Variants in ERCC6 observed in about 807,000 individuals in gnomAD.
ERCC6 encodes DNA excision repair protein ERCC-6.
Under a neutral mutation model 158.7 loss-of-function variants are expected in ERCC6, and 116 were observed. The observed-to-expected ratio is 0.73, with a 90% confidence interval of 0.63 to 0.85. The LOEUF is 0.85. ERCC6 is among the 40% of genes least tolerant of loss of function. ERCC6 has a pLI of 0.00. For missense variants in ERCC6, 1,698 were observed against 1,799.4 expected (o/e 0.94, Z 1.02); for synonymous variants, 678 against 659.3 (o/e 1.03, Z -0.43).
intron 5 of ERCC6, among the ~76,000 whole-genome samples, chr10:49,506,634 T>C (rs568800181): frequency 5.2e-4 from 79 of 152,230 alleles, no homozygotes; most frequent in African/African-American, 1.7e-3. Flanking sequence ...AATTTAGTAA[T>C]ATGATACTTT....
chr10:49,516,857 A>C, intron 5 of ERCC6: 3 of 1,614,168 alleles, frequency 1.9e-6, no homozygotes, highest in Non-Finnish European at 2.5e-6. Flanking sequence ...CTTCATCAGG[A>C]GAGTCATCTT....
rs1457570592 is a variant in ERCC6 at position 49,464,334 on chromosome 10, C to G, written c.3779-2778G>C. 3.3e-5 allele frequency among the ~76,000 whole-genome samples: 5 copies of G among 152,258 alleles called. No homozygotes were observed. In the East Asian group the frequency reaches 9.7e-4, roughly 29 times the overall value. On this transcript the variant is annotated intron_variant, in intron 18 of 20. Transcript: ENST00000355832. Reference sequence around the variant, plus strand: ...GTATCTGGCGGAAGAAATTTCTAAGCAGCAAAGCATTCAACAGGTGACATG... The same window carrying G: ...GTATCTGGCGGAAGAAATTTCTAAGGAGCAAAGCATTCAACAGGTGACATG...
chr10:49,525,119 G>A (rs538827405), intron 4 of ERCC6: 8 of 300,436 alleles, frequency 2.7e-5, no homozygotes, highest in African/African-American at 1.1e-4. Flanking sequence ...CTGAGTAGTC[G>A]TCCATGAGGA....
intron 1 of ERCC6, among the ~76,000 whole-genome samples, 172 bp downstream of exon 1, chr10:49,538,790 T>C (rs1370844508): frequency 2.6e-5 from 4 of 152,170 alleles, no homozygotes; most frequent in Admixed American, 6.5e-5. Context: ...CGGTCTCAGG[T>C]GAGGCCGCCG....
At chr10:49,507,831 A>C (rs1358524621) in intron 5 of ERCC6, among the ~76,000 whole-genome samples, 1 of 152,160 alleles carries the variant, frequency 6.6e-6, no homozygotes, top group Non-Finnish European at 1.5e-5. Flanking sequence ...CCTCGGTAAA[A>C]AGTTATCAAG....
At chr10:49,535,017 G>A (rs1837564921) in intron 1 of ERCC6, among the ~76,000 whole-genome samples, 1 of 152,212 alleles carries the variant, frequency 6.6e-6, no homozygotes, top group Non-Finnish European at 1.5e-5. Flanking sequence ...ACTATATATG[G>A]TGTCTGGGGC....
At chr10:49,472,072 C>A (rs887282472) in intron 16 of ERCC6, among the ~76,000 whole-genome samples, 1 of 152,136 alleles carries the variant, frequency 6.6e-6, no homozygotes, top group African/African-American at 2.4e-5. Flanking sequence ...TTTCTGAAGG[C>A]AACACACCAT....
Position 49,474,064 on chromosome 10 carries a change from T to A in ERCC6, c.2561A>T (p.Gln854Leu). ...AGAAAACAGCAATACTCGCTGACCC[T>A]GCTTGTGCCATATTTTCAACAAAGA... ...VESLLKIWHK[Q>L]GQRVLLFSQS... Residue 854 changes from glutamine to leucine, a missense_variant, in exon 13 of 21, where the codon CAG becomes CTG. Transcript: ENST00000355832. 1 of 1,614,132 alleles carries A rather than the reference T, an allele frequency of 6.2e-7. No individual in the cohort carries two copies. Among genetic ancestry groups the A allele is most frequent in the Non-Finnish European group, 8.5e-7 (1 of 1,180,032 alleles).
intron 18 of ERCC6, among the ~76,000 whole-genome samples, chr10:49,469,566 A>C (rs189488158): frequency 1.4e-4 from 21 of 152,322 alleles, no homozygotes; most frequent in African/African-American, 5.1e-4. Context: ...AACCATGCTA[A>C]ATAAAAGTCT....
At chr10:49,450,816 A>AT (rs57063540), downstream of ERCC6, among the ~76,000 whole-genome samples, 1,302 of 146,616 alleles carry the variant, frequency 8.9e-3, 10 homozygotes, top group African/African-American at 0.025. Flanking sequence ...TAGAAATACG[A>AT]TTTTTTTTTT....
intron 8 of ERCC6, among the ~76,000 whole-genome samples, chr10:49,489,015 C>T (rs181902181): frequency 9.1e-4 from 139 of 152,252 alleles, no homozygotes; most frequent in African/African-American, 3.3e-3. Flanking sequence ...GATCTTCTGA[C>T]CTCATGATCC....
chr10:49,477,926 T>C lies in ERCC6; in HGVS notation c.2286+428A>G, dbSNP rs149801805. On this transcript the variant is annotated intron_variant, in intron 11 of 20. Coordinates refer to ENST00000355832, the MANE Select transcript of ERCC6 (RefSeq NM_000124.4). ...GCTTATCCTTCAACCCTGCTTCATT[T>C]GTCTCCACACTTAATGCTGCCACCT... Among the ~76,000 whole-genome samples, 420 of 152,316 alleles carry C rather than the reference T, an allele frequency of 2.8e-3. 1 individual carries two copies. The highest frequency in any genetic ancestry group is 9.8e-3 in the African/African-American group (409 of 41,564).
At chr10:49,500,410 T>C in intron 7 of ERCC6, 128 bp downstream of exon 7, 1 of 1,169,758 alleles carries the variant, frequency 8.5e-7, no homozygotes, top group South Asian at 1.3e-5. Context: ...TGTCCCCCAC[T>C]AAAAGAATTA....
chr10:49,493,911 C>T (rs1450454723), intron 7 of ERCC6, among the ~76,000 whole-genome samples: 1 of 152,250 alleles, frequency 6.6e-6, no homozygotes, highest in Non-Finnish European at 1.5e-5. Flanking sequence ...GGGAAGCCCA[C>T]ACCGACAGTG....
rs1367208905 is a variant in ERCC6, at chr10:49,457,508, C to G, written c.*1307G>C. On this transcript the variant is annotated 3_prime_UTR_variant, in exon 21 of 21. Transcript: ENST00000355832. ...GCCCCCCTGCCCAGAACCCTCCTCT[C>G]TGAGTCACATGGATGAGCAGACAGA... The G allele has an allele frequency of 2.6e-5, 4 of 152,166 alleles. No homozygotes were observed. Among genetic ancestry groups the G allele is most frequent in the Non-Finnish European group, 5.9e-5 (4 of 68,052 alleles). The allele number at this position is 152,166 out of a possible 1,614,324, so 9.4% of individuals were successfully genotyped here.
chr10:49,528,862 A>C (rs1286800201), intron 3 of ERCC6, among the ~76,000 whole-genome samples: 1 of 152,170 alleles, frequency 6.6e-6, no homozygotes, highest in Non-Finnish European at 1.5e-5. Context: ...TCCCCCTTAC[A>C]CACTGGGCAA....
At chr10:49,516,811 ATGG>A (rs1476530520) in intron 5 of ERCC6, 1 of 1,613,944 alleles carries the variant, frequency 6.2e-7, no homozygotes, top group Non-Finnish European at 8.5e-7. Flanking sequence ...CTCCTCCTTG[ATGG>A]TGGAGGTTGC....
At chr10:49,488,003 T>A (rs895579468) in intron 8 of ERCC6, among the ~76,000 whole-genome samples, 1 of 152,220 alleles carries the variant, frequency 6.6e-6, no homozygotes. Context: ...AGACTGGAGT[T>A]TCAATAATGG....
At chr10:49,489,694 T>C (rs964676018) in intron 8 of ERCC6, among the ~76,000 whole-genome samples, 10 of 152,174 alleles carry the variant, frequency 6.6e-5, no homozygotes, top group African/African-American at 2.4e-4. Flanking sequence ...GAGACAACTG[T>C]TTCAGAACAT....
Sources: gnomAD v4.1 joint callset for allele counts (sites outside exome capture counted in the v4.1 genomes callset) on GRCh38, gnomAD v4.1.1 for gene constraint, MANE v1.5 for transcripts, NCBI Gene and HGNC (gene_info 2026-07-23, HGNC 2026-07-21) for gene names.